Variants in BAIAP2 observed in about 807,000 individuals in gnomAD.
BAIAP2 encodes BAR/IMD domain-containing adapter protein 2.
Under a neutral mutation model 63.0 loss-of-function variants are expected in BAIAP2, and 18 were observed. The observed-to-expected ratio is 0.29, with a 90% CI of 0.20 to 0.42. The LOEUF (loss-of-function observed/expected upper bound fraction) is 0.42, where lower values mean the gene tolerates loss of function less well. BAIAP2 is among the 10% of genes least tolerant of loss of function. The pLI, the probability that BAIAP2 is intolerant of heterozygous loss-of-function variation, is 1.00. For synonymous variants in BAIAP2, 386 were observed against 307.6 expected (o/e 1.25, Z -2.67); for missense variants, 610 against 734.3 (o/e 0.83, Z 1.96).
At chr17:81,062,148 A>G (rs1185058683) in intron 3 of BAIAP2, among the ~76,000 whole-genome samples, 4 of 152,092 alleles carry the variant, frequency 2.6e-5, no homozygotes, top group Admixed American at 2.0e-4. Context: ...ATGGGGTTTC[A>G]CCATGTTGTC....
intron 1 of BAIAP2, among the ~76,000 whole-genome samples, chr17:81,048,670 C>T (rs1261083809): frequency 1.3e-5 from 2 of 152,224 alleles, no homozygotes; most frequent in African/African-American, 4.8e-5. Context: ...TCTCTGACGG[C>T]CACCTCTGCA....
At chr17:81,095,123 G>A (rs2057407887) in intron 6 of BAIAP2, among the ~76,000 whole-genome samples, 1 of 152,232 alleles carries the variant, frequency 6.6e-6, no homozygotes, top group African/African-American at 2.4e-5. Flanking sequence ...TCAGCTGGGT[G>A]TTTCCATAGT....
intron 3 of BAIAP2, among the ~76,000 whole-genome samples, chr17:81,082,270 G>A (rs976324876): frequency 1.3e-5 from 2 of 152,170 alleles, no homozygotes; most frequent in African/African-American, 2.4e-5. Flanking sequence ...ACGCTTGTGC[G>A]TGCCCACTCA....
intron 3 of BAIAP2, among the ~76,000 whole-genome samples, chr17:81,084,529 G>C (rs2055221889): frequency 6.6e-6 from 1 of 152,162 alleles, no homozygotes; most frequent in Non-Finnish European, 1.5e-5. Context: ...GTCACTCACT[G>C]TCACGCCTGG....
At chr17:81,049,712 G>A (rs751461861) in intron 1 of BAIAP2, among the ~76,000 whole-genome samples, 15 of 152,196 alleles carry the variant, frequency 9.9e-5, no homozygotes, top group South Asian at 2.1e-4. Context: ...TTTTCATTCC[G>A]GAAGAGCTGG....
intron 9 of BAIAP2, 95 bp downstream of exon 9, chr17:81,104,203 C>G: frequency 1.5e-6 from 2 of 1,339,584 alleles, no homozygotes; most frequent in Non-Finnish European, 2.1e-6. Context: ...GCCTGGGAGA[C>G]CCTGAGGCTC....
At chr17:81,036,929 A>C in intron 1 of BAIAP2, 3 of 1,535,930 alleles carry the variant, frequency 2.0e-6, no homozygotes, top group Non-Finnish European at 2.6e-6. Context: ...GAAACCAGAA[A>C]GCAGGAACTT....
intron 1 of BAIAP2, 55 bp downstream of exon 1, chr17:81,035,363 G>T: frequency 6.2e-6 from 7 of 1,136,628 alleles, no homozygotes; most frequent in Non-Finnish European, 7.7e-6. Flanking sequence ...TGGGTCGCGC[G>T]CCGCCCGCGC....
intron 1 of BAIAP2, among the ~76,000 whole-genome samples, chr17:81,050,980 G>C (rs1241663230): frequency 6.6e-6 from 1 of 151,834 alleles, no homozygotes; most frequent in East Asian, 1.9e-4. Context: ...GAGCGCACCA[G>C]GTCCCAGCAT....
At chr17:81,037,981 A>G (rs2046518721) in intron 1 of BAIAP2, among the ~76,000 whole-genome samples, 1 of 152,206 alleles carries the variant, frequency 6.6e-6, no homozygotes, top group African/African-American at 2.4e-5. Flanking sequence ...TTCATGGAAG[A>G]TGAAGGGGAG....
At chr17:81,100,169 C>G (rs1192051986) in intron 7 of BAIAP2, 89 bp downstream of exon 7, 13 of 1,439,506 alleles carry the variant, frequency 9.0e-6, no homozygotes, top group Admixed American at 8.1e-5. Context: ...GCCCCGTGAA[C>G]ACACCGGGGC....
rs575258964 is a variant in BAIAP2 at position 81,069,152 on chromosome 17, C to T, written c.217+11185C>T. Among the ~76,000 whole-genome samples, 278 of 152,292 alleles carry T rather than the reference C, an allele frequency of 1.8e-3. 2 individuals are homozygous for T. The highest frequency in any genetic ancestry group is 3.2e-3 in the Non-Finnish European group (221 of 68,026). Reference sequence around the variant, plus strand: ...GCAGAGCATCAACTTCTGGTAGCTCCGAATGGTGGGTCCACGGGCATTCGT... The same window carrying T: ...GCAGAGCATCAACTTCTGGTAGCTCTGAATGGTGGGTCCACGGGCATTCGT... On this transcript the variant is annotated intron_variant, in intron 3 of 13. Coordinates refer to ENST00000428708, the MANE Select transcript of BAIAP2 (RefSeq NM_001144888.2).
chr17:81,066,746 T>G (rs1188432720), intron 3 of BAIAP2, among the ~76,000 whole-genome samples: 1 of 152,186 alleles, frequency 6.6e-6, no homozygotes, highest in Non-Finnish European at 1.5e-5. Context: ...TGGTAGGGCC[T>G]CCTGCTCTCT....
At chr17:81,059,128 C>A (rs571532825) in intron 3 of BAIAP2, among the ~76,000 whole-genome samples, 5 of 152,312 alleles carry the variant, frequency 3.3e-5, no homozygotes, top group South Asian at 4.1e-4. Context: ...TCGGAGCCCC[C>A]CCCCCACGCC....
At chr17:81,101,228 A>C (rs1170066846) in intron 7 of BAIAP2, among the ~76,000 whole-genome samples, 1 of 152,164 alleles carries the variant, frequency 6.6e-6, no homozygotes, top group Non-Finnish European at 1.5e-5. Context: ...TCCCAGGACC[A>C]AGCCTGGCCC....
At chr17:81,054,407 G>T (rs1368733383) in intron 2 of BAIAP2, among the ~76,000 whole-genome samples, 1 of 152,164 alleles carries the variant, frequency 6.6e-6, no homozygotes, top group Non-Finnish European at 1.5e-5. Context: ...GGTCAGGAGC[G>T]AAAGGAGGTC....
intron 1 of BAIAP2, among the ~76,000 whole-genome samples, chr17:81,051,964 A>G (rs927838141): frequency 6.6e-6 from 1 of 152,188 alleles, no homozygotes; most frequent in African/African-American, 2.4e-5. Context: ...TGCTGGGATT[A>G]TACGTGCGAG....
intron 6 of BAIAP2, 27 bp downstream of exon 6, chr17:81,086,607 C>G: frequency 1.2e-6 from 2 of 1,611,176 alleles, no homozygotes; most frequent in Non-Finnish European, 1.7e-6. Flanking sequence ...CGCTGTGGTG[C>G]CTCTCCTGCC....
rs1387515254 is a variant in BAIAP2, at chr17:81,116,180, G to GGCTGCCCT, written c.*347_*354dup. ...CAGCTGGTGGCTGGGAGGGGAGCCT[G>GGCTGCCCT]GCTGCCCTGCTGCTTCTCCTGCCTA... is the stretch of plus-strand genomic sequence containing the variant. On this transcript the variant is annotated 3_prime_UTR_variant, in exon 14 of 14. Transcript: ENST00000428708. 3 of 1,607,134 alleles carry GGCTGCCCT rather than the reference G, an allele frequency of 1.9e-6. No homozygotes were observed. The highest frequency in any genetic ancestry group is 1.3e-5 in the African/African-American group (1 of 74,858).
Sources: gnomAD v4.1 joint callset for allele counts (sites outside exome capture counted in the v4.1 genomes callset) on GRCh38, gnomAD v4.1.1 for gene constraint, MANE v1.5 for transcripts, NCBI Gene and HGNC (gene_info 2026-07-23, HGNC 2026-07-21) for gene names.